The following MTHFD1L variants were observed in gnomAD, a reference collection of about 807,000 sequenced individuals.
The protein encoded by MTHFD1L is monofunctional C1-tetrahydrofolate synthase, mitochondrial.
In MTHFD1L, 81 loss-of-function variants were observed where a neutral mutation model predicts 119.5. The observed-to-expected ratio is 0.68, with a 90% CI of 0.57 to 0.82. The LOEUF is 0.82. MTHFD1L is among the 40% of genes least tolerant of loss of function. The probability of loss-of-function intolerance (pLI) is 0.00; values close to 1 mark genes in which losing one functional copy is unlikely to be tolerated. For missense variants in MTHFD1L, 1,125 were observed against 1,253.4 expected (o/e 0.90, Z 1.55); for synonymous variants, 430 against 475.2 (o/e 0.90, Z 1.24).
At chr6:151,011,484 C>T (rs1367219373) in intron 21 of MTHFD1L, among the ~76,000 whole-genome samples, 1 of 152,178 alleles carries the variant, frequency 6.6e-6, no homozygotes, top group Admixed American at 6.5e-5. Context: ...TGAGTGGTGT[C>T]ACACATCTAT....
At chr6:150,959,680 C>T (rs1796149508) in intron 17 of MTHFD1L, among the ~76,000 whole-genome samples, 2 of 152,182 alleles carry the variant, frequency 1.3e-5, no homozygotes, top group Admixed American at 1.3e-4. Flanking sequence ...GGAAAGTAGC[C>T]TCACATGCAG....
chr6:151,100,120 G>C, intron 27 of MTHFD1L, among the ~76,000 whole-genome samples: 1 of 146,660 alleles, frequency 6.8e-6, no homozygotes, highest in South Asian at 2.2e-4. Flanking sequence ...TGCAAGCTCC[G>C]CCTCCCGGGT....
chr6:150,982,520 A>C (rs1190479877), intron 20 of MTHFD1L, among the ~76,000 whole-genome samples: 2 of 152,156 alleles, frequency 1.3e-5, no homozygotes, highest in African/African-American at 4.8e-5. Context: ...CATGTCTCTG[A>C]GATTTAGTCT....
intron 7 of MTHFD1L, among the ~76,000 whole-genome samples, chr6:150,896,648 C>T (rs981778260): frequency 1.3e-5 from 2 of 152,170 alleles, no homozygotes; most frequent in Non-Finnish European, 2.9e-5. Context: ...TCCCCTCTTG[C>T]TTCTGTCTGA....
intron 26 of MTHFD1L, among the ~76,000 whole-genome samples, chr6:151,050,361 C>T (rs1281355775): frequency 6.6e-6 from 1 of 152,146 alleles, no homozygotes; most frequent in Non-Finnish European, 1.5e-5. Flanking sequence ...GGGGTTTCAC[C>T]ATGTTGGCCA....
chr6:150,890,113 A>G (rs1583402229), intron 7 of MTHFD1L, among the ~76,000 whole-genome samples: 3 of 152,116 alleles, frequency 2.0e-5, no homozygotes, highest in South Asian at 4.1e-4. Flanking sequence ...CCGAGATCAC[A>G]CCATTGTACT....
At chr6:151,090,906 T>C (rs1485186919) in intron 26 of MTHFD1L, among the ~76,000 whole-genome samples, 9 of 140,352 alleles carry the variant, frequency 6.4e-5, no homozygotes, top group Middle Eastern at 3.8e-3. Flanking sequence ...CCCATGCGAC[T>C]GGGTGCAGCA....
At chr6:150,933,700 A>G (rs761928121) in intron 11 of MTHFD1L, among the ~76,000 whole-genome samples, 3 of 152,016 alleles carry the variant, frequency 2.0e-5, no homozygotes, top group Non-Finnish European at 4.4e-5. Context: ...GTGGCGTTTG[A>G]CTTTCCTGTT....
chr6:151,098,870 T>TC (rs1476354927), intron 27 of MTHFD1L, among the ~76,000 whole-genome samples: 1 of 152,082 alleles, frequency 6.6e-6, no homozygotes, highest in Non-Finnish European at 1.5e-5. Flanking sequence ...AGTCCTTCTG[T>TC]TTTTCTTAAA....
Position 150,926,321 on chromosome 6 carries a change from G to A in MTHFD1L, c.1256+26G>A, listed in dbSNP as rs764831576. On this transcript the variant is annotated intron_variant, in intron 11 of 27. Transcript: ENST00000367321. This position sits in a 1 kb window ranked among gnomAD's most constrained non-coding sequence, Gnocchi z 4.3. ...GTAAGACACCATCTAACATCTACTTGATCAAGCAGACATATTTACAAAACT... is the reference window on the plus strand; with the variant it reads ...GTAAGACACCATCTAACATCTACTTAATCAAGCAGACATATTTACAAAACT... 3.8e-6 allele frequency: 6 copies of A among 1,587,614 alleles called. No individual in the cohort carries two copies. Among genetic ancestry groups the A allele is most frequent in the Non-Finnish European group, 5.2e-6 (6 of 1,160,472 alleles).
At chr6:151,034,735 G>A (rs1584246276) in intron 25 of MTHFD1L, 135 bp downstream of exon 25, 1 of 666,582 alleles carries the variant, frequency 1.5e-6, no homozygotes, top group East Asian at 2.7e-5. Context: ...AAAGATGAAG[G>A]TAATATCCTC....
intron 24 of MTHFD1L, among the ~76,000 whole-genome samples, chr6:151,020,606 G>A (rs1024010268): frequency 7.2e-5 from 11 of 152,160 alleles, no homozygotes; most frequent in Non-Finnish European, 1.5e-4. Flanking sequence ...TATGGAATAA[G>A]GTGTAGTAGA....
chr6:151,034,681 A>C, intron 25 of MTHFD1L, 81 bp downstream of exon 25: 1 of 858,270 alleles, frequency 1.2e-6, no homozygotes, highest in Admixed American at 2.0e-5. Context: ...GGATTTGTAC[A>C]TATCGCACCA....
intron 21 of MTHFD1L, 131 bp downstream of exon 21, chr6:151,010,089 TC>T: frequency 8.8e-7 from 1 of 1,132,062 alleles, no homozygotes. Context: ...ACTTTTTTTT[TC>T]CTGTAGACCT....
At chr6:150,907,326 A>G (rs1583488683) in intron 8 of MTHFD1L, among the ~76,000 whole-genome samples, 1 of 152,092 alleles carries the variant, frequency 6.6e-6, no homozygotes, top group African/African-American at 2.4e-5. Flanking sequence ...CTTATTTTTG[A>G]AAAAAAGTAT....
intron 11 of MTHFD1L, among the ~76,000 whole-genome samples, chr6:150,930,837 T>C (rs1790916190): frequency 6.6e-6 from 1 of 152,212 alleles, no homozygotes; most frequent in African/African-American, 2.4e-5. Flanking sequence ...GCAGAACAGA[T>C]TAATTCTTTT....
chr6:151,038,166 G>A (rs1206693089), intron 26 of MTHFD1L, among the ~76,000 whole-genome samples: 1 of 152,162 alleles, frequency 6.6e-6, no homozygotes, highest in Non-Finnish European at 1.5e-5. Context: ...GAGACGCATG[G>A]GTTTGAATAG....
At chr6:151,099,647 T>C (rs1202425033) in intron 27 of MTHFD1L, 8 of 1,603,532 alleles carry the variant, frequency 5.0e-6, no homozygotes, top group African/African-American at 2.7e-5. Flanking sequence ...CCCAGAGGCA[T>C]TGACAACAGG....
intron 24 of MTHFD1L, among the ~76,000 whole-genome samples, chr6:151,031,990 G>C (rs1309921354): frequency 6.6e-6 from 1 of 152,130 alleles, no homozygotes; most frequent in Admixed American, 6.5e-5. Flanking sequence ...GTCTTTGTGG[G>C]TTCTTTCTTC....
Sources: allele counts gnomAD v4.1 joint callset (sites outside exome capture counted in the v4.1 genomes callset), GRCh38; gene constraint gnomAD v4.1.1; non-coding constraint Gnocchi (gnomAD v3.1); transcripts MANE v1.5; gene names NCBI Gene and HGNC (gene_info 2026-07-23, HGNC 2026-07-21).